Variants in ZNF638 observed in about 807,000 individuals in gnomAD.
ZNF638 encodes zinc finger protein 638.
A neutral mutation model predicts 195.6 loss-of-function variants in ZNF638; 46 were observed. The observed-to-expected ratio is 0.24, with a 90% CI of 0.19 to 0.30. The LOEUF is 0.30. Ranked by LOEUF, ZNF638 falls within the 10% of genes least tolerant of loss-of-function variation. The probability of loss-of-function intolerance (pLI) is 1.00; values close to 1 mark genes in which losing one functional copy is unlikely to be tolerated. For missense variants in ZNF638, 2,440 were observed against 2,325.3 expected (o/e 1.05, Z -1.01); for synonymous variants, 845 against 772.0 (o/e 1.09, Z -1.57).
intron 8 of ZNF638, chr2:71,374,178 G>T (rs984257171): frequency 3.7e-4 from 57 of 152,254 alleles, no homozygotes; most frequent in African/African-American, 1.3e-3. Context: ...GTGCCTAAAA[G>T]GTTTTATTCC....
chr2:71,348,490 G>T (rs2078889267), intron 1 of ZNF638: 2 of 1,064,846 alleles, frequency 1.9e-6, no homozygotes, highest in Non-Finnish European at 2.3e-6. Context: ...TGTAATTACT[G>T]CTCAGCACCT....
At position 71,421,374 on chromosome 2, in the gene ZNF638, AAC is replaced by A. The variant is rs978159323; in HGVS notation, c.3300-1438_3300-1437del. Reference sequence around the variant, plus strand: ...AGGGGTGTGATTATTTTAAAAAAAAAACATTTTAGCATGCAAAGAATAACTTG... The same window carrying A: ...AGGGGTGTGATTATTTTAAAAAAAAAATTTTAGCATGCAAAGAATAACTTG... On this transcript the variant is annotated intron_variant, in intron 21 of 27. Coordinates refer to ENST00000264447, the MANE Select transcript of ZNF638 (RefSeq NM_014497.5). Among the ~76,000 whole-genome samples the A allele has an allele frequency of 1.3e-4, 20 of 152,288 alleles. 1 individual carries two copies. Among genetic ancestry groups the A allele is most frequent in the African/African-American group, 4.6e-4 (19 of 41,578 alleles).
At chr2:71,347,281 G>A (rs1045231988) in intron 1 of ZNF638, among the ~76,000 whole-genome samples, 4 of 152,172 alleles carry the variant, frequency 2.6e-5, no homozygotes, top group Non-Finnish European at 4.4e-5. Flanking sequence ...GAAATGAAGG[G>A]AATGAGATAT....
chr2:71,341,428 T>C (rs1261580727), intron 1 of ZNF638, among the ~76,000 whole-genome samples: 3 of 152,182 alleles, frequency 2.0e-5, no homozygotes, highest in African/African-American at 7.2e-5. Flanking sequence ...AATAGTATAC[T>C]TCTAATTTTG....
In ZNF638 at chr2:71,426,907, T is replaced by C; in HGVS notation, c.5038T>C (p.Leu1680=). The C allele has an allele frequency of 1.2e-6, 2 of 1,614,174 alleles. No homozygotes were observed. Among genetic ancestry groups the C allele is most frequent in the Non-Finnish European group, 1.7e-6 (2 of 1,180,010 alleles). ...EEQDLLKQER[L]VTVDEIGEVE... ...ACAAGATCTCCTCAAACAGGAACGC[T>C]TGGTAACTGTGGATGAAATTGGAGA... The change falls in exon 24 of 28, where the codon TTG becomes CTG. Residue 1680 remains leucine (L), a synonymous_variant. Coordinates refer to ENST00000264447, the MANE Select transcript of ZNF638 (RefSeq NM_014497.5).
chr2:71,408,745 TTC>T (rs1395060645), intron 20 of ZNF638: 1 of 454,780 alleles, frequency 2.2e-6, no homozygotes, highest in Admixed American at 2.7e-5. Flanking sequence ...TCAATCTATT[TTC>T]TCCTTCTATT....
In ZNF638 at chr2:71,424,724, T is replaced by C. The variant is rs375290241; in HGVS notation, c.4590+9T>C. On this transcript the variant is annotated intron_variant, in intron 23 of 27. Coordinates refer to ENST00000264447, the MANE Select transcript of ZNF638 (RefSeq NM_014497.5). ...GTTCCAAATCTAAAGAGGTAAAAAA[T>C]AGATCACAGACCCTAACCCTTCTTT... is the stretch of plus-strand genomic sequence containing the variant. 6.8e-6 allele frequency: 11 copies of C among 1,607,808 alleles called. No homozygotes were observed. The highest frequency in any genetic ancestry group is 1.7e-5 in the Admixed American group (1 of 59,774).
At chr2:71,335,518 CTT>C (rs1012746617) in intron 1 of ZNF638, among the ~76,000 whole-genome samples, 2 of 151,924 alleles carry the variant, frequency 1.3e-5, no homozygotes, top group African/African-American at 4.8e-5. Context: ...AAGTTGCCAA[CTT>C]TTGTTTTAAA....
chr2:71,398,970 T>C (rs1286375133), intron 12 of ZNF638, among the ~76,000 whole-genome samples, 198 bp downstream of exon 12: 1 of 152,298 alleles, frequency 6.6e-6, no homozygotes, highest in South Asian at 2.1e-4. Context: ...ATCACATATA[T>C]ATAAAGCTAT....
intron 10 of ZNF638, among the ~76,000 whole-genome samples, chr2:71,386,020 T>TA (rs997866176): frequency 1.3e-5 from 2 of 152,038 alleles, no homozygotes; most frequent in Non-Finnish European, 2.9e-5. Flanking sequence ...ACTACCATAT[T>TA]AAAAAAAGAA....
In ZNF638 at chr2:71,349,212, A is replaced by T. The variant is rs747048683; in HGVS notation, c.258A>T (p.Lys86Asn). The T allele has an allele frequency of 1.2e-6, 2 of 1,614,140 alleles. No homozygotes were observed. The highest frequency in any genetic ancestry group is 1.7e-6 in the Non-Finnish European group (2 of 1,180,018). ...CTGATCCAAGATTGACCAAAGAAAA[A>T]CTGGATTTTCATGAAGCACAACAGA... ...HRTDPRLTKE[K>N]LDFHEAQQKK... The change falls in exon 2 of 28, where the codon AAA becomes AAT. Residue 86 changes from lysine to asparagine, a missense_variant. Coordinates refer to ENST00000264447, the MANE Select transcript of ZNF638 (RefSeq NM_014497.5).
intron 25 of ZNF638, among the ~76,000 whole-genome samples, chr2:71,429,927 C>G (rs2080621969): frequency 6.6e-6 from 1 of 152,142 alleles, no homozygotes; most frequent in African/African-American, 2.4e-5. Flanking sequence ...GATAACCAAG[C>G]TATAGGTGGT....
chr2:71,357,828 T>C (rs2079049111), intron 3 of ZNF638, among the ~76,000 whole-genome samples: 1 of 152,238 alleles, frequency 6.6e-6, no homozygotes, highest in Admixed American at 6.5e-5. Flanking sequence ...GTACCTCCTT[T>C]TATTGCACTT....
At chr2:71,370,903 GC>G (rs1458637263) in intron 8 of ZNF638, among the ~76,000 whole-genome samples, 2 of 151,880 alleles carry the variant, frequency 1.3e-5, no homozygotes, top group Non-Finnish European at 2.9e-5. Context: ...TCACTCTGTT[GC>G]GCTAGCTAAT....
At chr2:71,428,401 A>G (rs1192947314) in intron 24 of ZNF638, 146 bp from the exon 25 acceptor site, 1 of 535,314 alleles carries the variant, frequency 1.9e-6, no homozygotes, top group African/African-American at 1.9e-5. Context: ...GAATTCTTCT[A>G]TTTTATATTA....
intron 10 of ZNF638, chr2:71,395,109 A>G (rs575952003): frequency 4.3e-5 from 27 of 628,284 alleles, no homozygotes; most frequent in Non-Finnish European, 7.4e-5. Context: ...CCTAAACGCC[A>G]TAGATCTACA....
intron 8 of ZNF638, 35 bp from the exon 9 acceptor site, chr2:71,380,187 A>G (rs751153284): frequency 7.3e-7 from 1 of 1,364,132 alleles, no homozygotes; most frequent in Admixed American, 2.5e-5. Context: ...GCTTTATACT[A>G]AATTTCTTTT....
chr2:71,351,928 TCAATTTACCAATTTAATCATTAC>T (rs1224543455), intron 2 of ZNF638, among the ~76,000 whole-genome samples: 4 of 152,234 alleles, frequency 2.6e-5, no homozygotes, highest in Non-Finnish European at 5.9e-5. Flanking sequence ...GCCAGCATCA[TCAATTTACCAATTTAATCATTAC>T]CAATTTGCCA....
rs1251088410 is a variant in ZNF638, at chr2:71,423,976, A to G, written c.4462A>G (p.Lys1488Glu). ...LSKLDYRDIT[K>E]QSQETEARPS... ...TAAACTGGATTACAGAGATATAACAAAACAATCTCAGGAAACAGAGGCTAG... is the reference window on the plus strand; with the variant it reads ...TAAACTGGATTACAGAGATATAACAGAACAATCTCAGGAAACAGAGGCTAG... The change falls in exon 22 of 28, where the codon AAA becomes GAA. Residue 1488 changes from lysine (K) to glutamate (E), a missense_variant. Around this residue, in one of 5 missense-constraint regions of ZNF638, gnomAD observed 1,883 missense variants for 1,739.1 expected, o/e 1.08. Transcript: ENST00000264447. The G allele has an allele frequency of 1.9e-6, 3 of 1,613,984 alleles. No individual in the cohort carries two copies. Among genetic ancestry groups the G allele is most frequent in the African/African-American group, 1.3e-5 (1 of 74,916 alleles).
Sources: allele counts gnomAD v4.1 joint callset (sites outside exome capture counted in the v4.1 genomes callset), GRCh38; gene constraint gnomAD v4.1.1; regional missense constraint gnomAD v4.1.1; transcripts MANE v1.5; gene names NCBI Gene and HGNC (gene_info 2026-07-23, HGNC 2026-07-21).